Variants in KCNN3 observed in about 807,000 individuals in gnomAD.
The protein encoded by KCNN3 is potassium calcium-activated channel subfamily N member 3, also known as small conductance calcium-activated potassium channel protein 3.
Under a neutral mutation model 62.9 loss-of-function variants are expected in KCNN3, and 16 were observed. The observed-to-expected ratio is 0.25, with a 90% confidence interval of 0.17 to 0.39. The LOEUF (loss-of-function observed/expected upper bound fraction) is 0.39. Ranked by LOEUF, KCNN3 falls within the 10% of genes least tolerant of loss-of-function variation. The pLI is 1.00. For missense variants in KCNN3, 599 were observed against 949.4 expected, an observed-to-expected ratio of 0.63 and a Z score of 4.85; for synonymous variants, 370 against 389.2, an observed-to-expected ratio of 0.95 and a Z score of 0.58.
rs184221381 is a variant in KCNN3, at chr1:154,835,353, A to G, written c.934-13169T>C. On this transcript the variant is annotated intron_variant, in intron 1 of 7. Transcript: ENST00000271915. ...AGACAATGAATCATATGATCACCCT[A>G]TATATGTAGTATTTGCTGCCAAAGG... Among the ~76,000 whole-genome samples the G allele has an allele frequency of 2.0e-5, 3 of 152,188 alleles. No homozygotes were observed. The East Asian group carries it at 5.8e-4, about 29-fold the overall frequency.
intron 2 of KCNN3, among the ~76,000 whole-genome samples, chr1:154,812,315 T>C (rs1214148837): frequency 1.3e-5 from 2 of 152,180 alleles, no homozygotes; most frequent in East Asian, 3.8e-4. Flanking sequence ...ACGTGCAGGT[T>C]TGTTACATAT....
In KCNN3 at chr1:154,706,318, G is replaced by C. The variant is rs957893674; in HGVS notation, c.*1658C>G. The C allele has an allele frequency of 2.0e-5, 3 of 152,156 alleles. No individual in the cohort carries two copies. The highest frequency in any genetic ancestry group is 1.3e-4 in the Admixed American group (2 of 15,274). The allele number at this position is 152,156 out of a possible 1,614,324, so 9.4% of individuals were successfully genotyped here. Reference sequence around the variant, plus strand: ...ATGGTGATGATGTCTTCTTACAAAGGTAAACCCAAGATGACAACCACAAGC... The same window carrying C: ...ATGGTGATGATGTCTTCTTACAAAGCTAAACCCAAGATGACAACCACAAGC... On this transcript the variant is annotated 3_prime_UTR_variant, in exon 8 of 8. Coordinates refer to ENST00000271915, the MANE Select transcript of KCNN3 (RefSeq NM_002249.6).
Position 154,707,860 on chromosome 1 carries a change from G to C in KCNN3, c.*116C>G, listed in dbSNP as rs1334099287. On this transcript the variant is annotated 3_prime_UTR_variant, in exon 8 of 8. Transcript: ENST00000271915. ...TGAACATGAGTTAGTTAATTAGCTCGGTCTCTCTTCTTTCCGTTCCCTGGT... is the reference window on the plus strand; with the variant it reads ...TGAACATGAGTTAGTTAATTAGCTCCGTCTCTCTTCTTTCCGTTCCCTGGT... The C allele has an allele frequency of 1.7e-6, 2 of 1,175,030 alleles. No individual in the cohort carries two copies. The highest frequency in any genetic ancestry group is 4.3e-4 in the Middle Eastern group (2 of 4,628). The allele number at this position is 1,175,030 out of a possible 1,614,324, so 72.8% of individuals were successfully genotyped here. A position where few individuals can be genotyped will look rare whatever the true frequency, so the allele number is the denominator to read the frequency against.
Position 154,713,444 on chromosome 1 carries a change from C to G in KCNN3, c.1899+20G>C, listed in dbSNP as rs749341516. The G allele has an allele frequency of 3.1e-6, 5 of 1,602,526 alleles. No individual in the cohort carries two copies. The highest frequency in any genetic ancestry group is 1.7e-4 in the Middle Eastern group (1 of 6,036). ...AGTGTCTGCGTGTTCTAGGGGATGT[C>G]TCCAGACACTGCCACTCACCTTGGA... is the stretch of plus-strand genomic sequence containing the variant. On this transcript the variant is annotated intron_variant, in intron 7 of 7. Coordinates refer to ENST00000271915, the MANE Select transcript of KCNN3 (RefSeq NM_002249.6).
chr1:154,868,325 T>C (rs949384768), intron 1 of KCNN3: 3 of 987,112 alleles, frequency 3.0e-6, no homozygotes, highest in Middle Eastern at 5.2e-4. Context: ...TCCTCTCTCC[T>C]GAGGGAAAGG....
chr1:154,761,269 A>G (rs1334933142), intron 3 of KCNN3, among the ~76,000 whole-genome samples: 1 of 152,210 alleles, frequency 6.6e-6, no homozygotes, highest in Non-Finnish European at 1.5e-5. Context: ...GCTGCAGACC[A>G]CCAGCCAGGC....
intron 3 of KCNN3, chr1:154,736,957 G>A (rs1426471069): frequency 1.0e-5 from 7 of 693,804 alleles, no homozygotes; most frequent in South Asian, 1.5e-5. Context: ...TGGGGGCTAC[G>A]GAAGATGCTG....
At chr1:154,868,003 T>C in intron 1 of KCNN3, 1 of 985,402 alleles carries the variant, frequency 1.0e-6, no homozygotes, top group Non-Finnish European at 1.2e-6. Context: ...GTCTTGGGGC[T>C]GGACTGAGAG....
intron 3 of KCNN3, among the ~76,000 whole-genome samples, chr1:154,748,700 C>G (rs1369368528): frequency 6.6e-6 from 1 of 152,174 alleles, no homozygotes; most frequent in Non-Finnish European, 1.5e-5. Flanking sequence ...GTGGCTCATG[C>G]CTGTAATCCA....
chr1:154,824,836 C>T (rs1298563024), intron 1 of KCNN3, among the ~76,000 whole-genome samples: 1 of 152,198 alleles, frequency 6.6e-6, no homozygotes, highest in African/African-American at 2.4e-5. Flanking sequence ...TTTACATGAA[C>T]AGGCAACTCC....
intron 3 of KCNN3, among the ~76,000 whole-genome samples, chr1:154,735,538 G>A (rs1057486534): frequency 2.6e-5 from 4 of 152,164 alleles, no homozygotes; most frequent in African/African-American, 9.7e-5. Flanking sequence ...CTGGCTGGCT[G>A]CGTGGGCCTC....
At chr1:154,769,738 T>C (rs1648464461) in intron 3 of KCNN3, among the ~76,000 whole-genome samples, 1 of 152,184 alleles carries the variant, frequency 6.6e-6, no homozygotes. Context: ...TCAATTACTA[T>C]GTTAATAGAC....
At chr1:154,785,305 A>G (rs1649228582) in intron 2 of KCNN3, among the ~76,000 whole-genome samples, 1 of 152,156 alleles carries the variant, frequency 6.6e-6, no homozygotes, top group African/African-American at 2.4e-5. Flanking sequence ...TTTAGCAACT[A>G]AAAATAAATA....
intron 2 of KCNN3, among the ~76,000 whole-genome samples, chr1:154,816,075 C>T (rs1003026094): frequency 6.6e-6 from 1 of 152,188 alleles, no homozygotes; most frequent in Non-Finnish European, 1.5e-5. Flanking sequence ...GCTCAGAACT[C>T]TATTGGTATT....
intron 3 of KCNN3, among the ~76,000 whole-genome samples, chr1:154,768,627 C>T (rs779644917): frequency 1.3e-5 from 2 of 152,212 alleles, no homozygotes; most frequent in Non-Finnish European, 2.9e-5. Context: ...CAAATCCCCT[C>T]GGGAGCTTGC....
intron 6 of KCNN3, among the ~76,000 whole-genome samples, chr1:154,714,307 TGGTTTGTGTGAG>T (rs1700165866): frequency 1.3e-5 from 1 of 78,542 alleles, no homozygotes; most frequent in Non-Finnish European, 2.5e-5. Flanking sequence ...GGTGTGTGTG[TGGTTTGTGTGAG>T]GTGTGTGTGT....
At chr1:154,728,473 G>A (rs534245062) in intron 4 of KCNN3, among the ~76,000 whole-genome samples, 1 of 152,132 alleles carries the variant, frequency 6.6e-6, no homozygotes, top group African/African-American at 2.4e-5. Flanking sequence ...TTTCCATTAA[G>A]AGGCAACCTA....
chr1:154,858,587 G>A (rs903022165), intron 1 of KCNN3, among the ~76,000 whole-genome samples: 2 of 152,198 alleles, frequency 1.3e-5, no homozygotes, highest in South Asian at 2.1e-4. Flanking sequence ...CCTGGAGCAG[G>A]GCTTGCCACA....
At chr1:154,733,991 G>C (rs1160564298) in intron 3 of KCNN3, among the ~76,000 whole-genome samples, 1 of 152,208 alleles carries the variant, frequency 6.6e-6, no homozygotes. Flanking sequence ...GGTGGACAAG[G>C]TGCCCTGGGG....
Sources: gnomAD v4.1 joint callset for allele counts (sites outside exome capture counted in the v4.1 genomes callset) on GRCh38, gnomAD v4.1.1 for gene constraint, MANE v1.5 for transcripts, NCBI Gene and HGNC (gene_info 2026-07-23, HGNC 2026-07-21) for gene names.